The following POLDIP3 variants were observed in gnomAD, a reference collection of about 807,000 sequenced individuals.
POLDIP3 encodes the protein polymerase delta-interacting protein 3.
A neutral mutation model predicts 45.1 loss-of-function variants in POLDIP3; 14 were observed. The observed-to-expected ratio is 0.31, with a 90% confidence interval of 0.20 to 0.49. The LOEUF (loss-of-function observed/expected upper bound fraction) is 0.49, where lower values mean the gene tolerates loss of function less well. Among genes scored for constraint, POLDIP3 ranks in the 20% least tolerant of loss-of-function variants. The probability of loss-of-function intolerance (pLI) is 0.99; values close to 1 mark genes in which losing one functional copy is unlikely to be tolerated. For missense variants in POLDIP3, 511 were observed against 538.8 expected, an observed-to-expected ratio of 0.95 and a Z score of 0.51; for synonymous variants, 223 against 205.2, an observed-to-expected ratio of 1.09 and a Z score of -0.74.
chr22:42,614,740 C>T, intron 1 of POLDIP3, 59 bp downstream of exon 1: 1 of 1,573,978 alleles, frequency 6.4e-7, no homozygotes, highest in Admixed American at 1.7e-5. Context: ...CTACCTCCCC[C>T]GCCTCGAGCT....
At position 42,598,895 on chromosome 22, in the gene POLDIP3, T is replaced by C. The variant is rs1392233571; in HGVS notation, c.633+803A>G. On this transcript the variant is annotated intron_variant, in intron 4 of 8. Transcript: ENST00000252115. The stretch of plus-strand genomic sequence containing the variant: ...TGATGATCCCAGATGTTGTTTTCTT[T>C]CCTTCTCTGCATGATGTCTGACCAA... Among the ~76,000 whole-genome samples, 3 of 152,360 alleles carry C rather than the reference T, an allele frequency of 2.0e-5. No individual in the cohort carries two copies. In the East Asian group the frequency reaches 5.8e-4, roughly 29 times the overall value.
At chr22:42,607,677 G>A (rs146980368) in intron 1 of POLDIP3, among the ~76,000 whole-genome samples, 24,666 of 151,112 alleles carry the variant, frequency 0.16, 2,566 homozygotes, top group African/African-American at 0.29. Context: ...GTCTCGGCCC[G>A]GCCGTCCATC....
At chr22:42,605,907 C>T (rs1413282486) in intron 1 of POLDIP3, among the ~76,000 whole-genome samples, 2 of 152,052 alleles carry the variant, frequency 1.3e-5, no homozygotes, top group East Asian at 3.9e-4. Context: ...TTTGGGAGGC[C>T]GAGGCTGATG....
chr22:42,584,647 G>A lies in POLDIP3; in HGVS notation c.*1144C>T, dbSNP rs1256058666. The A allele has an allele frequency of 2.6e-5, 9 of 343,724 alleles. No homozygotes were observed. The highest frequency in any genetic ancestry group is 8.3e-5 in the East Asian group (1 of 12,038). 21.3% of individuals were successfully genotyped at this position (343,724 alleles called of 1,614,324 possible). ...CTGAAGTTTCGTCCCAACTGTCTGC[G>A]CCTATGCTGGGGAAACACCTTGCCT... is the stretch of plus-strand genomic sequence containing the variant. On this transcript the variant is annotated 3_prime_UTR_variant, in exon 9 of 9. Coordinates refer to ENST00000252115, the MANE Select transcript of POLDIP3 (RefSeq NM_032311.5).
At chr22:42,601,238 C>T (rs536282516) in intron 3 of POLDIP3, among the ~76,000 whole-genome samples, 4 of 151,536 alleles carry the variant, frequency 2.6e-5, no homozygotes, top group East Asian at 3.9e-4. Flanking sequence ...AGGCCGGGCG[C>T]GGTGGCTCAC....
At chr22:42,602,718 T>A in intron 2 of POLDIP3, 52 bp downstream of exon 2, 1 of 1,539,300 alleles carries the variant, frequency 6.5e-7, no homozygotes, top group South Asian at 1.3e-5. Context: ...TGCCTCTAAA[T>A]CTACCTTTGT....
chr22:42,606,015 G>A lies in POLDIP3; in HGVS notation c.60-2855C>T, dbSNP rs111306365. Reference sequence around the variant, plus strand: ...AAATTAGCCAGACGTGGTGGCACGCGCCTATAATCCTAGCTACTCGGAAGG... The same window carrying A: ...AAATTAGCCAGACGTGGTGGCACGCACCTATAATCCTAGCTACTCGGAAGG... On this transcript the variant is annotated intron_variant, in intron 1 of 8. Transcript: ENST00000252115. Among the ~76,000 whole-genome samples the A allele has an allele frequency of 8.8e-3, 1,343 of 152,210 alleles. 23 individuals carry two copies. The highest frequency in any genetic ancestry group is 0.031 in the African/African-American group (1,297 of 41,530).
intron 3 of POLDIP3, among the ~76,000 whole-genome samples, chr22:42,600,491 T>C (rs1926286988): frequency 6.6e-6 from 1 of 151,436 alleles, no homozygotes; most frequent in Non-Finnish European, 1.5e-5. Flanking sequence ...CCGGGCATGG[T>C]GGCATGCGCC....
At chr22:42,592,149 T>C in intron 6 of POLDIP3, 65 bp from the exon 7 acceptor site, 2 of 1,603,574 alleles carry the variant, frequency 1.2e-6, no homozygotes, top group Non-Finnish European at 8.5e-7. Flanking sequence ...TCACACACTC[T>C]GAAGGCCCTG....
At position 42,601,998 on chromosome 22, in the gene POLDIP3, T is replaced by C. The variant is rs781558308; in HGVS notation, c.509A>G (p.Asn170Ser). The C allele has an allele frequency of 7.4e-6, 12 of 1,614,026 alleles. No homozygotes were observed. Among genetic ancestry groups the C allele is most frequent in the African/African-American group, 2.7e-5 (2 of 74,926 alleles). Residue 170 changes from asparagine to serine, a missense_variant, in exon 3 of 9, where the codon AAT becomes AGT. By Grantham distance (46) the Asn-to-Ser change is conservative (BLOSUM62 1). Transcript: ENST00000252115. ...LHPHPAGMRI[N>S]VVNNHQAKQN... Reference sequence around the variant, plus strand: ...TTTGGCCTGGTGGTTATTGACAACATTGATTCTCATTCCGGCAGGATGGGG... The same window carrying C: ...TTTGGCCTGGTGGTTATTGACAACACTGATTCTCATTCCGGCAGGATGGGG...
chr22:42,611,573 A>G (rs1324541776), intron 1 of POLDIP3, among the ~76,000 whole-genome samples: 9 of 152,232 alleles, frequency 5.9e-5, no homozygotes, highest in Non-Finnish European at 1.3e-4. Context: ...AGTTCCAAGT[A>G]CGCAGATTCT....
At chr22:42,609,174 T>C (rs868592210) in intron 1 of POLDIP3, among the ~76,000 whole-genome samples, 28 of 152,210 alleles carry the variant, frequency 1.8e-4, no homozygotes, top group African/African-American at 6.8e-4. Flanking sequence ...CTCCAGCTTA[T>C]GGCTGCAGCC....
intron 1 of POLDIP3, among the ~76,000 whole-genome samples, chr22:42,606,196 T>C (rs868598292): frequency 7.9e-5 from 12 of 151,392 alleles, no homozygotes; most frequent in African/African-American, 2.7e-4. Context: ...TCACTACAGG[T>C]TGACAATTTT....
intron 8 of POLDIP3, 27 bp from the exon 9 acceptor site, chr22:42,585,995 A>G: frequency 6.4e-7 from 1 of 1,565,694 alleles, no homozygotes; most frequent in Non-Finnish European, 8.7e-7. Context: ...AGAGTCAAAA[A>G]TTCTTGTCAG....
Position 42,585,783 on chromosome 22 carries a change from T to TC in POLDIP3, c.*7dup. ...CTGCCCCCACTTCTGGCTGCCTCAC[T>TC]CCCCTGCTCAAAGCTTGATTTTGAA... is the stretch of plus-strand genomic sequence containing the variant. On this transcript the variant is annotated 3_prime_UTR_variant, in exon 9 of 9. Transcript: ENST00000252115. 9 of 1,608,800 alleles carry TC rather than the reference T, an allele frequency of 5.6e-6. No individual in the cohort carries two copies. Among genetic ancestry groups the TC allele is most frequent in the Non-Finnish European group, 7.6e-6 (9 of 1,177,984 alleles).
intron 7 of POLDIP3, among the ~76,000 whole-genome samples, 200 bp downstream of exon 7, chr22:42,591,755 T>G (rs1431996722): frequency 6.6e-6 from 1 of 152,162 alleles, no homozygotes; most frequent in East Asian, 1.9e-4. Context: ...CTCAAAAGCT[T>G]AAGGGCTGGG....
intron 1 of POLDIP3, among the ~76,000 whole-genome samples, chr22:42,608,231 G>C (rs1011350993): frequency 2.0e-5 from 3 of 151,016 alleles, no homozygotes; most frequent in African/African-American, 7.4e-5. Context: ...TCTGCCTTGG[G>C]ATGCTGTTAA....
rs1356579298 is a variant in POLDIP3, at chr22:42,614,020, T to G, written c.59+779A>C. Among the ~76,000 whole-genome samples, 3 of 152,120 alleles carry G rather than the reference T, an allele frequency of 2.0e-5. No homozygotes were observed. The East Asian group carries it at 5.8e-4, about 29-fold the overall frequency. The stretch of plus-strand genomic sequence containing the variant: ...TCACCTCCATGGCTCCTCAGCCAGC[T>G]CAAGCACTTTCTTCTCCCTAAGGAA... On this transcript the variant is annotated intron_variant, in intron 1 of 8. Coordinates refer to ENST00000252115, the MANE Select transcript of POLDIP3 (RefSeq NM_032311.5).
chr22:42,601,252 T>C (rs1017258957), intron 3 of POLDIP3, among the ~76,000 whole-genome samples: 66 of 151,622 alleles, frequency 4.4e-4, no homozygotes, highest in African/African-American at 1.5e-3. Flanking sequence ...GGCTCACACC[T>C]GTAATCCCAG....
Sources: gnomAD v4.1 joint callset for allele counts (sites outside exome capture counted in the v4.1 genomes callset) on GRCh38, gnomAD v4.1.1 for gene constraint, MANE v1.5 for transcripts, NCBI Gene and HGNC (gene_info 2026-07-23, HGNC 2026-07-21) for gene names.